PLCH2: variants seen among roughly 807,000 people sequenced by gnomAD.
The protein encoded by PLCH2 is 1-phosphatidylinositol 4,5-bisphosphate phosphodiesterase eta-2.
A neutral mutation model predicts 134.7 loss-of-function variants in PLCH2; 98 were observed. The observed-to-expected ratio is 0.73, with a 90% CI of 0.62 to 0.86. The LOEUF is 0.86. Among genes scored for constraint, PLCH2 ranks in the 40% least tolerant of loss-of-function variants. The pLI, the probability that PLCH2 is intolerant of heterozygous loss-of-function variation, is 0.00. For synonymous variants in PLCH2, 974 were observed against 827.5 expected (o/e 1.18, Z -3.04); for missense variants, 1,994 against 1,986.6 (o/e 1.00, Z -0.07).
At chr1:2,441,288 G>A (rs1029507678) in intron 2 of PLCH2, among the ~76,000 whole-genome samples, 5 of 152,210 alleles carry the variant, frequency 3.3e-5, no homozygotes, top group East Asian at 1.9e-4. Context: ...GGCACCACAC[G>A]TATGGTCCCA....
Position 2,501,971 on chromosome 1 carries a change from C to T in PLCH2, c.2662-141C>T, listed in dbSNP as rs111393731. 4.0e-4 allele frequency: 292 copies of T among 729,914 alleles called. 1 individual carries two copies. The African/African-American group carries it at 5.0e-3, about 12-fold the overall frequency. 45.2% of individuals were successfully genotyped at this position (729,914 alleles called of 1,614,324 possible). A position where few individuals can be genotyped will look rare whatever the true frequency, so the allele number is the denominator to read the frequency against. ...GAAGGCCCTGGTGTGTCCACACACC[C>T]CCAGCCTGAGGTGGCCCAGCCCCTC... is the stretch of plus-strand genomic sequence containing the variant. On this transcript the variant is annotated intron_variant, in intron 20 of 21. Coordinates refer to ENST00000378486, the MANE Select transcript of PLCH2 (RefSeq NM_014638.4).
intron 4 of PLCH2, among the ~76,000 whole-genome samples, chr1:2,480,645 C>T (rs992530813): frequency 6.6e-6 from 1 of 152,186 alleles, no homozygotes; most frequent in African/African-American, 2.4e-5. Flanking sequence ...AATGAAGCTG[C>T]ACCCCCTTCC....
At chr1:2,491,870 CTGTGCTGGGGACA>C (rs1642603888) in intron 11 of PLCH2, among the ~76,000 whole-genome samples, 1 of 151,726 alleles carries the variant, frequency 6.6e-6, no homozygotes, top group East Asian at 1.9e-4. Context: ...TGGTGGGCGC[CTGTGCTGGGGACA>C]CGGTCTCCTG....
At chr1:2,459,386 C>T (rs1397858672) in intron 2 of PLCH2, among the ~76,000 whole-genome samples, 3 of 128,346 alleles carry the variant, frequency 2.3e-5, no homozygotes, top group African/African-American at 9.3e-5. Flanking sequence ...GCCGGTGGTC[C>T]TCCTTCCTGG....
Position 2,503,263 on chromosome 1 carries a change from G to A in PLCH2, c.2960-659G>A, listed in dbSNP as rs118086340. ...CAAACTCACCTCCTGGGCGGCTGGC[G>A]ACCTGCATGGCCCCTGATGCCTTTC... is the stretch of plus-strand genomic sequence containing the variant. On this transcript the variant is annotated intron_variant, in intron 21 of 21. Transcript: ENST00000378486. The A allele has an allele frequency of 1.8e-3, 1,034 of 562,028 alleles. 14 individuals are homozygous for A. In the East Asian group the frequency reaches 0.022, roughly 12 times the overall value. The allele number at this position is 562,028 out of a possible 1,614,324, so 34.8% of individuals were successfully genotyped here. A position where few individuals can be genotyped will look rare whatever the true frequency, so the allele number is the denominator to read the frequency against.
At chr1:2,470,516 C>T (rs985200972) in intron 1 of PLCH2, among the ~76,000 whole-genome samples, 2 of 152,214 alleles carry the variant, frequency 1.3e-5, no homozygotes, top group East Asian at 1.9e-4. Flanking sequence ...GGCTGCTCCC[C>T]GGCCTGGCAG....
At chr1:2,452,786 G>A (rs1397977279) in intron 2 of PLCH2, among the ~76,000 whole-genome samples, 7 of 152,244 alleles carry the variant, frequency 4.6e-5, no homozygotes, top group African/African-American at 1.4e-4. Context: ...AGCTTGGCCA[G>A]TCGCTGTCCT....
At chr1:2,459,947 C>T (rs773529677) in intron 2 of PLCH2, among the ~76,000 whole-genome samples, 16 of 152,256 alleles carry the variant, frequency 1.1e-4, no homozygotes, top group Non-Finnish European at 1.6e-4. Flanking sequence ...AAGCGTCCAT[C>T]GGCCCCTCAC....
intron 5 of PLCH2, among the ~76,000 whole-genome samples, 153 bp from the exon 6 acceptor site, chr1:2,486,754 T>C (rs1363587173): frequency 2.6e-5 from 4 of 152,194 alleles, no homozygotes; most frequent in Admixed American, 2.0e-4. Context: ...TGATCCACGG[T>C]AGTCCCAAGT....
intron 11 of PLCH2, among the ~76,000 whole-genome samples, chr1:2,491,957 C>T (rs1018344326): frequency 6.6e-6 from 1 of 151,940 alleles, no homozygotes; most frequent in South Asian, 2.1e-4. Flanking sequence ...ATCCCGCAGT[C>T]CTGCTGCGGG....
Position 2,428,131 on chromosome 1 carries a change from G to A in PLCH2, c.-178+2094G>A, listed in dbSNP as rs576012447. On this transcript the variant is annotated intron_variant, in intron 1 of 3. Transcript: ENST00000609981. Reference sequence around the variant, plus strand: ...CTCCACCCTGTCCCCAGCATGGCCCGGTCCAGCCTGGCCCCGAGTGACGTT... The same window carrying A: ...CTCCACCCTGTCCCCAGCATGGCCCAGTCCAGCCTGGCCCCGAGTGACGTT... 5.3e-5 allele frequency among the ~76,000 whole-genome samples: 8 copies of A among 152,300 alleles called. No homozygotes were observed. In the South Asian group the frequency reaches 1.4e-3, roughly 28 times the overall value.
upstream of PLCH2, among the ~76,000 whole-genome samples, chr1:2,467,146 G>C (rs1641093126): frequency 6.6e-6 from 1 of 152,040 alleles, no homozygotes; most frequent in East Asian, 1.9e-4. Flanking sequence ...CTGGTCCTGG[G>C]GGTGCAGCCA....
intron 1 of PLCH2, among the ~76,000 whole-genome samples, chr1:2,426,314 C>T (rs1031999742): frequency 3.3e-5 from 5 of 152,238 alleles, no homozygotes; most frequent in East Asian, 1.9e-4. Context: ...TCTATGGCCC[C>T]GTGTTTGGCC....
chr1:2,441,385 C>G (rs748226700), intron 2 of PLCH2, among the ~76,000 whole-genome samples: 1 of 152,194 alleles, frequency 6.6e-6, no homozygotes, highest in Non-Finnish European at 1.5e-5. Flanking sequence ...AGGGGCTGAG[C>G]GTGGGGGCAT....
rs1341044303 is a variant in PLCH2, at chr1:2,444,196, G to A, written c.115+13567G>A. Among the ~76,000 whole-genome samples the A allele has an allele frequency of 9.2e-5, 14 of 152,208 alleles. No individual in the cohort carries two copies. The highest frequency in any genetic ancestry group is 1.5e-5 in the Non-Finnish European group (1 of 68,016). On this transcript the variant is annotated intron_variant, in intron 2 of 3. Coordinates refer to the PLCH2 transcript ENST00000609981. The surrounding 1 kb of genome is among the most constrained non-coding windows in gnomAD (Gnocchi z 4.6). ...CCGGATGGCCTCAGGTGCGGGGTGA[G>A]GGATCTGGGGGCCGCCCCTCGGCAA...
rs572197839 is a variant in PLCH2, at chr1:2,497,061, C to A, written c.2116+51C>A. 4 of 1,563,968 alleles carry A rather than the reference C, an allele frequency of 2.6e-6. No homozygotes were observed. The Admixed American group carries it at 7.3e-5, about 28-fold the overall frequency. On this transcript the variant is annotated intron_variant, in intron 15 of 21. Coordinates refer to ENST00000378486, the MANE Select transcript of PLCH2 (RefSeq NM_014638.4). ...TGTGGTGGGGAGGGCTCGGCTCAGA[C>A]GGTCCCTGAAGCCCAAGGGGCGAGC...
intron 1 of PLCH2, among the ~76,000 whole-genome samples, chr1:2,426,231 G>T (rs900329964): frequency 6.6e-6 from 1 of 152,350 alleles, no homozygotes; most frequent in South Asian, 2.1e-4. Flanking sequence ...CATAAAAACA[G>T]CTTAGACCTT....
chr1:2,466,662 C>T (rs574809279), upstream of PLCH2, among the ~76,000 whole-genome samples: 2 of 152,352 alleles, frequency 1.3e-5, no homozygotes, highest in East Asian at 3.9e-4. Context: ...GATGGGGGCT[C>T]AAGGCCCCTT....
At chr1:2,425,512 G>T (rs976325222), upstream of PLCH2, among the ~76,000 whole-genome samples, 1 of 152,100 alleles carries the variant, frequency 6.6e-6, no homozygotes, top group African/African-American at 2.4e-5. Flanking sequence ...CTGCTCTGCT[G>T]GTTTTTAGGT....
Sources: gnomAD v4.1 joint callset for allele counts (sites outside exome capture counted in the v4.1 genomes callset) on GRCh38, gnomAD v4.1.1 for gene constraint, Gnocchi (gnomAD v3.1) non-coding constraint, MANE v1.5 for transcripts, NCBI Gene and HGNC (gene_info 2026-07-23, HGNC 2026-07-21) for gene names.